TFAP2D: variants seen among roughly 807,000 people sequenced by gnomAD.
TFAP2D encodes transcription factor AP-2 delta.
Under a neutral mutation model 43.6 loss-of-function variants are expected in TFAP2D, and 9 were observed. The ratio of observed to expected loss-of-function variants is 0.21; its 90% CI spans 0.12 to 0.36. The LOEUF (loss-of-function observed/expected upper bound fraction) is 0.36. Ranked by LOEUF, TFAP2D falls within the 10% of genes least tolerant of loss-of-function variation. The pLI is 1.00. For synonymous variants in TFAP2D, 256 were observed against 224.9 expected (o/e 1.14, Z -1.24); for missense variants, 513 against 561.4 (o/e 0.91, Z 0.87).
intron 7 of TFAP2D, among the ~76,000 whole-genome samples, chr6:50,768,084 C>A (rs1046015744): frequency 3.9e-5 from 6 of 152,124 alleles, no homozygotes; most frequent in African/African-American, 1.4e-4. Context: ...AAATTATATG[C>A]AAATGCCAAG....
rs754189924 is a variant in TFAP2D, at chr6:50,715,082, T to G, written c.40-34T>G. 5 of 1,593,974 alleles carry G rather than the reference T, an allele frequency of 3.1e-6. No homozygotes were observed. In the African/African-American group the frequency reaches 5.4e-5, roughly 17 times the overall value. On this transcript the variant is annotated intron_variant, in intron 1 of 7. Coordinates refer to ENST00000008391, the MANE Select transcript of TFAP2D (RefSeq NM_172238.4). ...GTTGCAAAATGACAAACCTCAAGTT[T>G]TTCTGCTCTCCCTTTTCCCCCTCTT...
intron 3 of TFAP2D, among the ~76,000 whole-genome samples, chr6:50,727,612 CA>C (rs1768827511): frequency 6.6e-6 from 1 of 152,144 alleles, no homozygotes; most frequent in Admixed American, 6.5e-5. Flanking sequence ...ATATTTTAGA[CA>C]ACACTCTTCT....
rs577171452 is a variant in TFAP2D at position 50,760,051 on chromosome 6, A to C, written c.1139+8727A>C. On this transcript the variant is annotated intron_variant, in intron 7 of 7. Coordinates refer to ENST00000008391, the MANE Select transcript of TFAP2D (RefSeq NM_172238.4). ...TAAAGAAACCCTAATTATTATACCT[A>C]TCTTGAAGTATGACAATGCATATTG... is the stretch of plus-strand genomic sequence containing the variant. 1.5e-4 allele frequency among the ~76,000 whole-genome samples: 23 copies of C among 152,150 alleles called. No individual in the cohort carries two copies. In the East Asian group the frequency reaches 4.1e-3, roughly 27 times the overall value.
At chr6:50,724,363 T>C (rs1768774858) in intron 3 of TFAP2D, among the ~76,000 whole-genome samples, 1 of 152,224 alleles carries the variant, frequency 6.6e-6, no homozygotes, top group African/African-American at 2.4e-5. Context: ...ATTTGAATTG[T>C]AAACATCTGT....
intron 5 of TFAP2D, among the ~76,000 whole-genome samples, chr6:50,737,764 G>T (rs1768983902): frequency 6.6e-6 from 1 of 151,844 alleles, no homozygotes; most frequent in Non-Finnish European, 1.5e-5. Flanking sequence ...AAAAGTCGTG[G>T]TATTTCACTG....
rs760105430 is a variant in TFAP2D at position 50,715,448 on chromosome 6, G to T, written c.372G>T (p.Ser124=). The change falls in exon 2 of 8, where the codon TCG becomes TCT. Residue 124 remains serine (S), a synonymous_variant. Coordinates refer to ENST00000008391, the MANE Select transcript of TFAP2D (RefSeq NM_172238.4). ...INLHNARALK[S]SCLDEQRREL... ...TGCACAATGCGCGGGCGCTCAAGTC[G>T]TCCTGCCTGGACGAGCAGAGGCGGG... The T allele has an allele frequency of 3.1e-6, 5 of 1,613,988 alleles. No homozygotes were observed. The South Asian group carries it at 3.3e-5, about 11-fold the overall frequency.
intron 5 of TFAP2D, among the ~76,000 whole-genome samples, chr6:50,743,695 C>T (rs1769085854): frequency 6.6e-6 from 1 of 152,056 alleles, no homozygotes; most frequent in African/African-American, 2.4e-5. Context: ...TAACTGTTCT[C>T]TTTTGTATAT....
In TFAP2D at chr6:50,715,697, C is replaced by T. The variant is rs377506771; in HGVS notation, c.537+84C>T. ...CCCCATTAATGCTCCGACTGTAAAGCGTCTCTCTTTCTCTCTCTCTTCTCC... is the reference window on the plus strand; with the variant it reads ...CCCCATTAATGCTCCGACTGTAAAGTGTCTCTCTTTCTCTCTCTCTTCTCC... On this transcript the variant is annotated intron_variant, in intron 2 of 7. Transcript: ENST00000008391. The T allele has an allele frequency of 1.0e-5, 14 of 1,344,688 alleles. No individual in the cohort carries two copies. The South Asian group carries it at 1.6e-4, about 16-fold the overall frequency. 83.3% of individuals were successfully genotyped at this position (1,344,688 alleles called of 1,614,324 possible).
At chr6:50,759,319 T>G (rs772148098) in intron 7 of TFAP2D, among the ~76,000 whole-genome samples, 3 of 151,970 alleles carry the variant, frequency 2.0e-5, no homozygotes, top group Non-Finnish European at 4.4e-5. Flanking sequence ...GCTAGATGTG[T>G]GGATTTAGAA....
chr6:50,751,381 C>A, intron 7 of TFAP2D, 57 bp downstream of exon 7: 1 of 1,177,816 alleles, frequency 8.5e-7, no homozygotes, highest in Non-Finnish European at 1.3e-6. Context: ...GCTTGTATTC[C>A]TATCACAGTT....
intron 3 of TFAP2D, among the ~76,000 whole-genome samples, chr6:50,727,840 C>T (rs1034930490): frequency 6.6e-6 from 1 of 152,166 alleles, no homozygotes; most frequent in Non-Finnish European, 1.5e-5. Flanking sequence ...GTATAGTCAC[C>T]ATGCTAGCAG....
intron 6 of TFAP2D, 85 bp from the exon 7 acceptor site, chr6:50,751,126 G>T: frequency 1.1e-6 from 1 of 925,688 alleles, no homozygotes; most frequent in Admixed American, 2.3e-5. Flanking sequence ...TTAAAAGAGA[G>T]AACAAGCCTT....
chr6:50,718,610 G>T (rs1768664615), intron 2 of TFAP2D, among the ~76,000 whole-genome samples: 1 of 152,214 alleles, frequency 6.6e-6, no homozygotes, highest in Middle Eastern at 3.4e-3. Context: ...ATTACAGGAT[G>T]TTCCTACATT....
At chr6:50,738,972 A>G (rs1316666569) in intron 5 of TFAP2D, among the ~76,000 whole-genome samples, 4 of 152,178 alleles carry the variant, frequency 2.6e-5, no homozygotes, top group African/African-American at 9.6e-5. Flanking sequence ...TCTTTATCTT[A>G]GGACAGTGGT....
At position 50,715,424 on chromosome 6, in the gene TFAP2D, G is replaced by T; in HGVS notation, c.348G>T (p.Leu116=). ...GGGAGCCCACCGACTTTATTAACCTGCACAATGCGCGGGCGCTCAAGTCGT... is the reference window on the plus strand; with the variant it reads ...GGGAGCCCACCGACTTTATTAACCTTCACAATGCGCGGGCGCTCAAGTCGT... ...HHGEPTDFIN[L]HNARALKSSC... is the part of the protein sequence containing the mutation. The change falls in exon 2 of 8, where the codon CTG becomes CTT. Residue 116 remains leucine, a synonymous_variant. Coordinates refer to ENST00000008391, the MANE Select transcript of TFAP2D (RefSeq NM_172238.4). 1 of 1,614,098 alleles carries T rather than the reference G, an allele frequency of 6.2e-7. No individual in the cohort carries two copies. The highest frequency in any genetic ancestry group is 8.5e-7 in the Non-Finnish European group (1 of 1,180,026).
intron 3 of TFAP2D, among the ~76,000 whole-genome samples, chr6:50,727,933 C>T (rs866979193): frequency 8.6e-5 from 13 of 152,028 alleles, no homozygotes; most frequent in African/African-American, 3.1e-4. Flanking sequence ...ACCTTTGGAT[C>T]GTCAAGTCCT....
At chr6:50,737,153 G>T (rs1274721236) in intron 5 of TFAP2D, among the ~76,000 whole-genome samples, 1 of 151,924 alleles carries the variant, frequency 6.6e-6, no homozygotes, top group Non-Finnish European at 1.5e-5. Flanking sequence ...GCTAATTTTT[G>T]ATTTTTTGGT....
chr6:50,749,802 G>T (rs1165312922), intron 6 of TFAP2D, among the ~76,000 whole-genome samples: 1 of 151,888 alleles, frequency 6.6e-6, no homozygotes, highest in Non-Finnish European at 1.5e-5. Context: ...ACACACAGTT[G>T]TTAAAAGCAT....
Position 50,713,841 on chromosome 6 carries a change from T to C in TFAP2D, c.-215T>C. 1.6e-6 allele frequency: 1 copy of C among 638,526 alleles called. No individual in the cohort carries two copies. The highest frequency in any genetic ancestry group is 2.7e-6 in the Non-Finnish European group (1 of 374,698). 39.6% of individuals were successfully genotyped at this position (638,526 alleles called of 1,614,324 possible). On this transcript the variant is annotated 5_prime_UTR_variant, in exon 1 of 8. Transcript: ENST00000008391. ...AAAATCTGTTCCAGGGAGCTGCTTT[T>C]GTGCAGAGGGAAAATTTTGTTCCTA...
Sources: allele counts gnomAD v4.1 joint callset (sites outside exome capture counted in the v4.1 genomes callset), GRCh38; gene constraint gnomAD v4.1.1; transcripts MANE v1.5; gene names NCBI Gene and HGNC (gene_info 2026-07-23, HGNC 2026-07-21).